Variants in CDS1 observed in about 807,000 individuals in gnomAD.
CDS1 encodes phosphatidate cytidylyltransferase 1.
A neutral mutation model predicts 62.1 loss-of-function variants in CDS1; 41 were observed. The observed-to-expected ratio is 0.66, with a 90% CI of 0.51 to 0.86. The LOEUF (loss-of-function observed/expected upper bound fraction) is 0.86, where lower values mean the gene tolerates loss of function less well. CDS1 is among the 40% of genes least tolerant of loss of function. CDS1 has a pLI of 0.00. For synonymous variants in CDS1, 185 were observed against 192.6 expected (o/e 0.96, Z 0.32); for missense variants, 470 against 550.1 (o/e 0.85, Z 1.46).
chr4:84,583,547 G>T (rs564310247), intron 1 of CDS1, 29 bp downstream of exon 1: 1 of 1,369,016 alleles, frequency 7.3e-7, no homozygotes, highest in African/African-American at 1.5e-5. Context: ...GGCGGACGCC[G>T]CGCCCTGGCT....
intron 1 of CDS1, among the ~76,000 whole-genome samples, chr4:84,586,467 C>T (rs372889572): frequency 1.7e-4 from 26 of 152,118 alleles, no homozygotes; most frequent in African/African-American, 4.3e-4. Context: ...CTAGATCCCT[C>T]GCATGTGCAG....
At chr4:84,596,542 C>G (rs911669024) in intron 1 of CDS1, among the ~76,000 whole-genome samples, 2 of 152,206 alleles carry the variant, frequency 1.3e-5, no homozygotes, top group Admixed American at 1.3e-4. Flanking sequence ...CAGTCTTCCA[C>G]TTATAAGGAC....
chr4:84,600,413 A>G (rs1722899986), intron 1 of CDS1, among the ~76,000 whole-genome samples: 1 of 152,180 alleles, frequency 6.6e-6, no homozygotes, highest in Admixed American at 6.5e-5. Context: ...TTATCATACT[A>G]AGAAATTTTT....
In CDS1 at chr4:84,615,453, C is replaced by G. The variant is rs990185951; in HGVS notation, c.343-2111C>G. Among the ~76,000 whole-genome samples the G allele has an allele frequency of 3.9e-5, 6 of 152,070 alleles. No homozygotes were observed. The East Asian group carries it at 1.2e-3, about 29-fold the overall frequency. ...TAGGATTCCAGGACCAGGCTCATCT[C>G]TCTCTCCTTCTTACCCCCACCTTTG... is the stretch of plus-strand genomic sequence containing the variant. On this transcript the variant is annotated intron_variant, in intron 3 of 12. Coordinates refer to ENST00000295887, the MANE Select transcript of CDS1 (RefSeq NM_001263.4).
intron 1 of CDS1, among the ~76,000 whole-genome samples, chr4:84,599,622 G>A (rs771178892): frequency 4.0e-5 from 6 of 150,208 alleles, no homozygotes; most frequent in Non-Finnish European, 5.9e-5. Context: ...AATATAATAC[G>A]TGTGTGTGTA....
At chr4:84,625,355 T>C (rs1296665782) in intron 5 of CDS1, among the ~76,000 whole-genome samples, 1 of 152,162 alleles carries the variant, frequency 6.6e-6, no homozygotes, top group East Asian at 1.9e-4. Flanking sequence ...ATGAAGTGAT[T>C]GTGTGCTTTC....
chr4:84,612,847 G>A (rs1307198366), intron 3 of CDS1, among the ~76,000 whole-genome samples: 1 of 151,928 alleles, frequency 6.6e-6, no homozygotes, highest in Non-Finnish European at 1.5e-5. Flanking sequence ...AATTAGCCGG[G>A]TGGTAGAGGC....
chr4:84,615,584 C>T (rs1310759869), intron 3 of CDS1, among the ~76,000 whole-genome samples: 2 of 152,050 alleles, frequency 1.3e-5, no homozygotes, highest in African/African-American at 2.4e-5. Context: ...GTTGCCCACC[C>T]CCTCCCCCTG....
rs549749935 is a variant in CDS1, at chr4:84,647,023, T to C, written c.1257-1534T>C. Among the ~76,000 whole-genome samples the C allele has an allele frequency of 4.6e-5, 7 of 152,340 alleles. No homozygotes were observed. The South Asian group carries it at 1.4e-3, about 32-fold the overall frequency. ...TCCTTTTGTCATTATATAATGTCTG[T>C]CTTTACTGCTTGCCTTAAAGCGTAC... On this transcript the variant is annotated intron_variant, in intron 12 of 12. Coordinates refer to ENST00000295887, the MANE Select transcript of CDS1 (RefSeq NM_001263.4).
At chr4:84,589,142 T>G (rs1285420141) in intron 1 of CDS1, among the ~76,000 whole-genome samples, 2 of 152,238 alleles carry the variant, frequency 1.3e-5, no homozygotes, top group African/African-American at 4.8e-5. Flanking sequence ...TACAAAGATT[T>G]CTATGTACTT....
intron 2 of CDS1, among the ~76,000 whole-genome samples, chr4:84,609,173 T>C (rs1177763977): frequency 8.0e-6 from 1 of 124,922 alleles, no homozygotes; most frequent in Admixed American, 8.9e-5. Context: ...AGAGCGAGAC[T>C]CCGTCTCAAA....
chr4:84,603,598 A>G (rs1350910371), intron 1 of CDS1, among the ~76,000 whole-genome samples: 1 of 152,196 alleles, frequency 6.6e-6, no homozygotes, highest in Non-Finnish European at 1.5e-5. Context: ...TGAAAGGCCT[A>G]GAGCTCCCTG....
At chr4:84,583,628 C>G in intron 1 of CDS1, 110 bp downstream of exon 1, 2 of 614,740 alleles carry the variant, frequency 3.3e-6, no homozygotes, top group Non-Finnish European at 5.5e-6. Context: ...AGGCTGCACG[C>G]TGCCGGTGCA....
chr4:84,606,300 TGTGCAGTG>T (rs1723091198), intron 2 of CDS1, among the ~76,000 whole-genome samples: 1 of 91,290 alleles, frequency 1.1e-5, no homozygotes, highest in African/African-American at 5.9e-5. Context: ...GCTTTTTTCT[TGTGCAGTG>T]TGTGTGTGTG....
At chr4:84,590,484 G>A (rs7677285) in intron 1 of CDS1, among the ~76,000 whole-genome samples, 91,459 of 152,084 alleles carry the variant, frequency 0.6, 27,594 homozygotes, top group South Asian at 0.71. Flanking sequence ...TCTTTAAACA[G>A]TTCATTTTCT....
intron 1 of CDS1, among the ~76,000 whole-genome samples, chr4:84,593,739 A>G (rs1002760706): frequency 6.6e-6 from 1 of 152,056 alleles, no homozygotes; most frequent in African/African-American, 2.4e-5. Context: ...CCTGACCTCA[A>G]GTGATCCACC....
intron 1 of CDS1, among the ~76,000 whole-genome samples, chr4:84,598,409 CT>C (rs1006768563): frequency 1.2e-3 from 162 of 140,324 alleles, no homozygotes; most frequent in East Asian, 1.2e-3. Flanking sequence ...TTTTCTTTTT[CT>C]TTTTTTTTTT....
chr4:84,585,898 T>C (rs1433230442), intron 1 of CDS1, among the ~76,000 whole-genome samples: 1 of 152,192 alleles, frequency 6.6e-6, no homozygotes, highest in African/African-American at 2.4e-5. Flanking sequence ...TTATTGGAAG[T>C]CTGTACAAGG....
chr4:84,587,880 A>G (rs1722467767), intron 1 of CDS1, among the ~76,000 whole-genome samples: 1 of 152,154 alleles, frequency 6.6e-6, no homozygotes, highest in South Asian at 2.1e-4. Flanking sequence ...TAGATGGTGA[A>G]TATTTCTTTC....
Sources: gnomAD v4.1 joint callset for allele counts (sites outside exome capture counted in the v4.1 genomes callset) on GRCh38, gnomAD v4.1.1 for gene constraint, MANE v1.5 for transcripts, NCBI Gene and HGNC (gene_info 2026-07-23, HGNC 2026-07-21) for gene names.